Variants in ATAD5 observed in about 807,000 individuals in gnomAD.
ATAD5 encodes the protein ATPase family AAA domain containing 5, also known as ATPase family AAA domain-containing protein 5.
A neutral mutation model predicts 176.9 loss-of-function variants in ATAD5; 58 were observed. That is an observed-to-expected ratio of 0.33 (90% CI 0.27 to 0.41). The LOEUF (loss-of-function observed/expected upper bound fraction) is 0.41. Ranked by LOEUF, ATAD5 falls within the 10% of genes least tolerant of loss-of-function variation. The pLI is 1.00. For synonymous variants in ATAD5, 640 were observed against 712.6 expected (o/e 0.90, Z 1.62); for missense variants, 1,789 against 2,094.1 (o/e 0.85, Z 2.84).
At chr17:30,846,396 G>GT (rs11324585) in intron 6 of ATAD5, among the ~76,000 whole-genome samples, 224 of 143,190 alleles carry the variant, frequency 1.6e-3, no homozygotes, top group Middle Eastern at 3.7e-3. Flanking sequence ...AGAGTTTGAG[G>GT]TTTTTTTTTT....
chr17:30,834,193 A>C lies in ATAD5; in HGVS notation c.112A>C (p.Thr38Pro). 1.9e-6 allele frequency: 3 copies of C among 1,589,310 alleles called. No individual in the cohort carries two copies. The highest frequency in any genetic ancestry group is 1.7e-6 in the Non-Finnish European group (2 of 1,172,522). Residue 38 changes from threonine (T) to proline (P), a missense_variant, in exon 2 of 23, where the codon ACA (threonine) becomes CCA (proline). This residue lies in a region of ATAD5 where 696 missense variants were observed against 712.5 expected (regional missense o/e 0.98). Coordinates refer to ENST00000321990, the MANE Select transcript of ATAD5 (RefSeq NM_024857.5). ...AGATGATGACACATCTACCTGCAAA[A>C]CAATTACAAAATATTTATCACCACT... ...KKDDDTSTCKTITKYLSPLGK... is the reference protein window; with the variant it reads ...KKDDDTSTCKPITKYLSPLGK...
At chr17:30,836,072 G>A (rs760798500) in intron 2 of ATAD5, 24 bp downstream of exon 2, 18 of 1,532,024 alleles carry the variant, frequency 1.2e-5, no homozygotes, top group Middle Eastern at 1.8e-4. Context: ...TTGTTCTAAC[G>A]TTCTAGTATT....
In ATAD5 at chr17:30,893,579, A is replaced by G. The variant is rs778283835; in HGVS notation, c.4726A>G (p.Ser1576Gly). 2.5e-6 allele frequency: 4 copies of G among 1,613,812 alleles called. No homozygotes were observed. Among genetic ancestry groups the G allele is most frequent in the South Asian group, 1.1e-5 (1 of 91,028 alleles). The change falls in exon 21 of 23, where the codon AGT becomes GGT. Residue 1576 changes from serine to glycine, a missense_variant. By Grantham distance (56) the Ser-to-Gly change is moderately conservative. Transcript: ENST00000321990. Reference protein sequence around the residue: ...QKKTLVILDDSDLFDTDLDFP... With the variant: ...QKKTLVILDDGDLFDTDLDFP... The stretch of plus-strand genomic sequence containing the variant: ...GAAAACATTGGTAATATTAGATGAT[A>G]GTGATCTATTTGACACTGACTTGGA...
intron 18 of ATAD5, among the ~76,000 whole-genome samples, chr17:30,886,911 G>A (rs537713386): frequency 1.2e-4 from 19 of 152,124 alleles, no homozygotes; most frequent in Admixed American, 2.6e-4. Flanking sequence ...GTTTTATCAA[G>A]GTTTATAAAA....
At chr17:30,888,675 T>G (rs1230797473) in intron 19 of ATAD5, among the ~76,000 whole-genome samples, 3 of 152,202 alleles carry the variant, frequency 2.0e-5, no homozygotes, top group Non-Finnish European at 4.4e-5. Context: ...TTTTTGAGCC[T>G]GTTTTTTCAC....
chr17:30,858,522 AT>A (rs2142367651), intron 9 of ATAD5, among the ~76,000 whole-genome samples, 199 bp downstream of exon 9: 1 of 151,920 alleles, frequency 6.6e-6, no homozygotes, highest in East Asian at 1.9e-4. Flanking sequence ...AGTAGCTGGG[AT>A]TACAGGCACC....
chr17:30,843,248 C>A (rs151022513), intron 4 of ATAD5, among the ~76,000 whole-genome samples: 12 of 151,780 alleles, frequency 7.9e-5, no homozygotes, highest in Middle Eastern at 3.4e-3. Context: ...GCTTCTTGGG[C>A]AGCTGAGGTG....
intron 7 of ATAD5, among the ~76,000 whole-genome samples, chr17:30,856,351 C>A (rs1479274726): frequency 1.3e-5 from 2 of 152,204 alleles, no homozygotes; most frequent in African/African-American, 4.8e-5. Context: ...CCAGTGCTCA[C>A]AAGGTTAGTA....
At chr17:30,848,132 C>T (rs1906648088) in intron 6 of ATAD5, among the ~76,000 whole-genome samples, 2 of 152,222 alleles carry the variant, frequency 1.3e-5, no homozygotes, top group African/African-American at 4.8e-5. Context: ...ACATGTTTAA[C>T]ATTATAAGAA....
intron 7 of ATAD5, 148 bp from the exon 8 acceptor site, chr17:30,856,807 G>A (rs1035362851): frequency 1.6e-6 from 1 of 609,366 alleles, no homozygotes. Context: ...TTGGAGGGTA[G>A]GATTTTGTTC....
chr17:30,866,962 A>C (rs1323576391), intron 11 of ATAD5, among the ~76,000 whole-genome samples: 1 of 152,196 alleles, frequency 6.6e-6, no homozygotes, highest in Non-Finnish European at 1.5e-5. Context: ...AATCTGGTCC[A>C]AAGGATTTCA....
At chr17:30,843,169 T>C (rs955583523) in intron 4 of ATAD5, among the ~76,000 whole-genome samples, 24 of 151,068 alleles carry the variant, frequency 1.6e-4, no homozygotes, top group African/African-American at 5.1e-4. Context: ...CTGGTCAACA[T>C]AGGGAGAACC....
chr17:30,858,312 A>G lies in ATAD5; in HGVS notation c.2945A>G (p.His982Arg), dbSNP rs1286705545. ...CACCAAGTACTTTCTTCCGAGTGTC[A>G]TAGTAAACAAGGTTAGTGATAATTA... ...IEHQVLSSEC[H>R]SKQELEADVS... Residue 982 changes from histidine (H) to arginine (R), a missense_variant, in exon 9 of 23, where the codon CAT (histidine) becomes CGT (arginine). This residue lies in a region of ATAD5 where 487 missense variants were observed against 573.6 expected (regional missense o/e 0.85). Transcript: ENST00000321990. 1 of 1,532,698 alleles carries G rather than the reference A, an allele frequency of 6.5e-7. No individual in the cohort carries two copies. Among genetic ancestry groups the G allele is most frequent in the Non-Finnish European group, 8.8e-7 (1 of 1,139,790 alleles). The allele number at this position is 1,532,698 out of a possible 1,614,324, so 94.9% of individuals were successfully genotyped here.
intron 6 of ATAD5, among the ~76,000 whole-genome samples, chr17:30,850,723 A>G (rs1312005975): frequency 6.7e-6 from 1 of 150,372 alleles, no homozygotes; most frequent in Non-Finnish European, 1.5e-5. Context: ...AGAAGAATAT[A>G]TAAAAGGACA....
intron 19 of ATAD5, among the ~76,000 whole-genome samples, chr17:30,889,886 CTTTTTTTTTTT>C (rs60266614): frequency 2.2e-4 from 21 of 95,692 alleles, no homozygotes; most frequent in Non-Finnish European, 3.4e-4. Context: ...TCTTTTCTTT[CTTTTTTTTTTT>C]TTTTTTTTTT....
At chr17:30,874,035 C>T (rs566689441) in intron 14 of ATAD5, among the ~76,000 whole-genome samples, 1 of 151,954 alleles carries the variant, frequency 6.6e-6, no homozygotes, top group African/African-American at 2.4e-5. Context: ...TGTGGTGGTG[C>T]ACACCTGTAA....
intron 18 of ATAD5, among the ~76,000 whole-genome samples, chr17:30,886,733 C>A (rs922797252): frequency 1.3e-5 from 2 of 151,226 alleles, no homozygotes; most frequent in Non-Finnish European, 2.9e-5. Context: ...TATAGTGAGA[C>A]CCTGATCTCT....
intron 8 of ATAD5, 77 bp downstream of exon 8, chr17:30,857,189 C>G (rs1907336948): frequency 6.9e-7 from 1 of 1,440,606 alleles, no homozygotes; most frequent in East Asian, 2.5e-5. Context: ...TGGATATCTA[C>G]TCTTATAGCC....
chr17:30,873,191 T>G (rs896772128), intron 14 of ATAD5, among the ~76,000 whole-genome samples: 6 of 152,224 alleles, frequency 3.9e-5, no homozygotes, highest in African/African-American at 1.4e-4. Context: ...TTTAATTGGT[T>G]TGTGTCCTTT....
Sources: gnomAD v4.1 joint callset for allele counts (sites outside exome capture counted in the v4.1 genomes callset) on GRCh38, gnomAD v4.1.1 for gene constraint, gnomAD v4.1.1 regional missense constraint, MANE v1.5 for transcripts, NCBI Gene and HGNC (gene_info 2026-07-23, HGNC 2026-07-21) for gene names.